The following GSPT1 variants were observed in gnomAD, a reference collection of about 807,000 sequenced individuals.
GSPT1 encodes the protein G1 to S phase transition 1, also known as eukaryotic peptide chain release factor GTP-binding subunit ERF3A.
GSPT1 carries 20 observed loss-of-function variants against 72.5 expected under a neutral mutation model. That is an observed-to-expected ratio of 0.28 (90% CI 0.19 to 0.40). GSPT1 has a LOEUF of 0.40. Among genes scored for constraint, GSPT1 ranks in the 10% least tolerant of loss-of-function variants. GSPT1 has a pLI of 1.00. For missense variants in GSPT1, 580 were observed against 811.9 expected (o/e 0.71, Z 3.47); for synonymous variants, 334 against 293.5 (o/e 1.14, Z -1.41).
intron 11 of GSPT1, 132 bp downstream of exon 11, chr16:11,882,883 A>T (rs1222958160): frequency 1.6e-6 from 1 of 612,000 alleles, no homozygotes; most frequent in African/African-American, 1.8e-5. Context: ...GGATTGCTTG[A>T]AAGTTTGAGG....
At chr16:11,916,229 G>A, upstream of GSPT1, 2 of 349,044 alleles carry the variant, frequency 5.7e-6, no homozygotes, top group South Asian at 2.1e-5. Context: ...GGCAACGCGA[G>A]GAGGCGGAGG....
intron 7 of GSPT1, 156 bp from the exon 8 acceptor site, chr16:11,887,087 C>G (rs992809250): frequency 3.7e-5 from 21 of 572,494 alleles, no homozygotes; most frequent in Non-Finnish European, 5.4e-5. Context: ...TTTTGAATGT[C>G]ACAAATCAAA....
chr16:11,886,621 T>C lies in GSPT1; in HGVS notation c.1113-10A>G, dbSNP rs201543703. ...CTTACATTCTTCATATCTGCAATTA[T>C]AATGTAACCAAAATAACTCAATTAT... On this transcript the variant is annotated splice_polypyrimidine_tract_variant and intron_variant, in intron 8 of 14. Transcript: ENST00000434724. 1,017 of 1,604,226 alleles carry C rather than the reference T, an allele frequency of 6.3e-4. No homozygotes were observed. The highest frequency in any genetic ancestry group is 8.2e-4 in the Non-Finnish European group (958 of 1,171,398).
chr16:11,892,517 A>ATAATAAT (rs1555504698), intron 5 of GSPT1, among the ~76,000 whole-genome samples: 2 of 124,256 alleles, frequency 1.6e-5, no homozygotes, highest in African/African-American at 7.5e-5. Context: ...AAAAAAACAA[A>ATAATAAT]AAAAACAAAA....
Position 11,910,433 on chromosome 16 carries a change from G to A in GSPT1, c.352+4936C>T, listed in dbSNP as rs544190547. ...TATTCATCTTGGTGTTATTTCAAGT[G>A]CCTAGCATAGCATCTTTCATTCAGT... On this transcript the variant is annotated intron_variant, in intron 1 of 14. Coordinates refer to ENST00000434724, the MANE Select transcript of GSPT1 (RefSeq NM_002094.4). 3.9e-5 allele frequency among the ~76,000 whole-genome samples: 6 copies of A among 152,266 alleles called. No homozygotes were observed. In the South Asian group the frequency reaches 1.2e-3, roughly 32 times the overall value.
At chr16:11,899,151 A>G (rs943584771) in intron 1 of GSPT1, among the ~76,000 whole-genome samples, 1 of 152,226 alleles carries the variant, frequency 6.6e-6, no homozygotes, top group Non-Finnish European at 1.5e-5. Context: ...AAATCATATG[A>G]ATCATGCACA....
Position 11,898,038 on chromosome 16 carries a change from G to C in GSPT1, c.353-3C>G. 6.5e-7 allele frequency: 1 copy of C among 1,532,930 alleles called. No individual in the cohort carries two copies. Among genetic ancestry groups the C allele is most frequent in the Non-Finnish European group, 8.9e-7 (1 of 1,129,440 alleles). The allele number at this position is 1,532,930 out of a possible 1,614,324, so 95.0% of individuals were successfully genotyped here. A position where few individuals can be genotyped will look rare whatever the true frequency, so the allele number is the denominator to read the frequency against. ...CTCTTGAGAGGATTCCACAGGTGCT[G>C]TTTAACAGAAAGAAGTTCTATTAAA... On this transcript the variant is annotated splice_polypyrimidine_tract_variant and splice_region_variant and intron_variant, in intron 1 of 14. Coordinates refer to ENST00000434724, the MANE Select transcript of GSPT1 (RefSeq NM_002094.4).
rs577677719 is a variant in GSPT1, at chr16:11,909,464, G to A, written c.352+5905C>T. Among the ~76,000 whole-genome samples, 9 of 152,164 alleles carry A rather than the reference G, an allele frequency of 5.9e-5. No homozygotes were observed. The East Asian group carries it at 1.5e-3, about 26-fold the overall frequency. On this transcript the variant is annotated intron_variant, in intron 1 of 14. Transcript: ENST00000434724. ...ACTAGTAGCCAAATTCTTGTCTCCCGAAGATATTTTAAAACCAAGGGTAGA... is the reference window on the plus strand; with the variant it reads ...ACTAGTAGCCAAATTCTTGTCTCCCAAAGATATTTTAAAACCAAGGGTAGA...
Position 11,901,658 on chromosome 16 carries a change from G to A in GSPT1, c.353-3623C>T, listed in dbSNP as rs1260718455. ...ATATATGAATTAGGCTAGACATGGT[G>A]GCTCATGCTTGTAGTCCCAGCTACT... On this transcript the variant is annotated intron_variant, in intron 1 of 14. Transcript: ENST00000434724. 2.6e-5 allele frequency among the ~76,000 whole-genome samples: 4 copies of A among 151,388 alleles called. No individual in the cohort carries two copies. The South Asian group carries it at 6.2e-4, about 24-fold the overall frequency.
At chr16:11,906,066 T>A (rs1384757220) in intron 1 of GSPT1, among the ~76,000 whole-genome samples, 1 of 152,054 alleles carries the variant, frequency 6.6e-6, no homozygotes, top group Non-Finnish European at 1.5e-5. Flanking sequence ...TCCAGTCACA[T>A]CACTTCATTT....
rs2053990529 is a variant in GSPT1 at position 11,872,548 on chromosome 16, T to A, written c.*571A>T. 6.6e-6 allele frequency: 1 copy of A among 152,180 alleles called. No homozygotes were observed. The highest frequency in any genetic ancestry group is 1.5e-5 in the Non-Finnish European group (1 of 68,060). 9.4% of individuals were successfully genotyped at this position (152,180 alleles called of 1,614,324 possible). ...CTGTGAATGTCTCATTTATAGTGGG[T>A]AGGGAAAGAGTTTATAAAAGTCCAA... On this transcript the variant is annotated 3_prime_UTR_variant, in exon 15 of 15. Coordinates refer to ENST00000434724, the MANE Select transcript of GSPT1 (RefSeq NM_002094.4).
intron 1 of GSPT1, among the ~76,000 whole-genome samples, chr16:11,914,573 T>C (rs751655221): frequency 6.6e-6 from 1 of 152,244 alleles, no homozygotes; most frequent in Non-Finnish European, 1.5e-5. Context: ...CAGTGAGTTA[T>C]TCCAAGCAAT....
chr16:11,888,159 G>A (rs1399256563), intron 6 of GSPT1, among the ~76,000 whole-genome samples: 1 of 150,426 alleles, frequency 6.6e-6, no homozygotes, highest in Admixed American at 6.6e-5. Context: ...CGTCTCAAAA[G>A]AAAACAAAGA....
At chr16:11,898,098 T>C (rs1203886806) in intron 1 of GSPT1, 63 bp from the exon 2 acceptor site, 3 of 1,008,384 alleles carry the variant, frequency 3.0e-6, no homozygotes, top group African/African-American at 3.2e-5. Flanking sequence ...ACTTATCTTT[T>C]AATATGCAGT....
chr16:11,878,839 G>A (rs551542208), intron 11 of GSPT1, among the ~76,000 whole-genome samples: 14 of 152,040 alleles, frequency 9.2e-5, no homozygotes, highest in African/African-American at 3.1e-4. Flanking sequence ...GCCGAGGCGG[G>A]TGATCACCTG....
intron 1 of GSPT1, 165 bp downstream of exon 1, chr16:11,915,204 G>A: frequency 3.7e-6 from 4 of 1,079,442 alleles, no homozygotes; most frequent in Non-Finnish European, 4.5e-6. Context: ...GCCGCCCCGC[G>A]AAGGCCGGCT....
chr16:11,883,913 A>C (rs1246729183), intron 10 of GSPT1, among the ~76,000 whole-genome samples: 2 of 147,286 alleles, frequency 1.4e-5, no homozygotes, highest in East Asian at 3.9e-4. Context: ...CTCCATCTCA[A>C]AAAAAAAAAA....
intron 6 of GSPT1, 84 bp downstream of exon 6, chr16:11,890,978 T>G: frequency 1.5e-6 from 1 of 670,420 alleles, no homozygotes; most frequent in South Asian, 1.8e-5. Flanking sequence ...CTTCAACAAT[T>G]TATATTTTAA....
intron 1 of GSPT1, among the ~76,000 whole-genome samples, chr16:11,905,597 G>T (rs2054478798): frequency 6.6e-6 from 1 of 152,128 alleles, no homozygotes; most frequent in South Asian, 2.1e-4. Flanking sequence ...CACTTTGGGA[G>T]GCCAAGGCGG....
Sources: allele counts gnomAD v4.1 joint callset (sites outside exome capture counted in the v4.1 genomes callset), GRCh38; gene constraint gnomAD v4.1.1; transcripts MANE v1.5; gene names NCBI Gene and HGNC (gene_info 2026-07-23, HGNC 2026-07-21).